Variants in ARHGAP24 observed in about 807,000 individuals in gnomAD.
The protein encoded by ARHGAP24 is Rho GTPase activating protein 24, also known as rho GTPase-activating protein 24.
A neutral mutation model predicts 76.4 loss-of-function variants in ARHGAP24; 50 were observed. The ratio of observed to expected loss-of-function variants is 0.65; its 90% CI spans 0.52 to 0.83. The LOEUF (loss-of-function observed/expected upper bound fraction) is 0.83. Ranked by LOEUF, ARHGAP24 falls within the 40% of genes least tolerant of loss-of-function variation. ARHGAP24 has a pLI of 0.00. For synonymous variants in ARHGAP24, 345 were observed against 323.3 expected, an observed-to-expected ratio of 1.07 and a Z score of -0.72; for missense variants, 930 against 914.2, an observed-to-expected ratio of 1.02 and a Z score of -0.22.
At chr4:85,848,094 C>T (rs1451004091) in intron 3 of ARHGAP24, among the ~76,000 whole-genome samples, 2 of 152,022 alleles carry the variant, frequency 1.3e-5, no homozygotes, top group Non-Finnish European at 2.9e-5. Context: ...TATTTCTGTA[C>T]CAAAATTCAG....
At chr4:85,852,959 G>A (rs968100620) in intron 3 of ARHGAP24, among the ~76,000 whole-genome samples, 1 of 152,184 alleles carries the variant, frequency 6.6e-6, no homozygotes, top group Non-Finnish European at 1.5e-5. Context: ...CAGTCTGTCC[G>A]TTCTCAGAGC....
intron 3 of ARHGAP24, among the ~76,000 whole-genome samples, chr4:85,836,413 G>T (rs1245925322): frequency 1.3e-5 from 2 of 152,198 alleles, no homozygotes; most frequent in South Asian, 4.1e-4. Context: ...ACTACAGAAG[G>T]TCTGTTCTCG....
At chr4:85,984,274 A>G (rs867768462) in intron 8 of ARHGAP24, among the ~76,000 whole-genome samples, 1 of 152,214 alleles carries the variant, frequency 6.6e-6, no homozygotes, top group Non-Finnish European at 1.5e-5. Context: ...TGGAGTTACT[A>G]TAACAAAACA....
chr4:85,578,709 A>G (rs1290715369), intron 2 of ARHGAP24, among the ~76,000 whole-genome samples: 3 of 151,640 alleles, frequency 2.0e-5, no homozygotes, highest in Non-Finnish European at 2.9e-5. Flanking sequence ...GTACCTGTCC[A>G]TATATAAAGC....
At chr4:85,971,196 G>C (rs985716119) in intron 5 of ARHGAP24, among the ~76,000 whole-genome samples, 1 of 152,058 alleles carries the variant, frequency 6.6e-6, no homozygotes, top group African/African-American at 2.4e-5. Flanking sequence ...AGCATGTCAC[G>C]CTAAGCTTCG....
chr4:85,704,568 C>A (rs1257923479), intron 2 of ARHGAP24, among the ~76,000 whole-genome samples: 1 of 152,144 alleles, frequency 6.6e-6, no homozygotes, highest in Non-Finnish European at 1.5e-5. Context: ...TTTCCATTTA[C>A]TGGATATAAG....
intron 3 of ARHGAP24, among the ~76,000 whole-genome samples, chr4:85,787,336 A>G (rs9790551): frequency 0.11 from 16,752 of 152,154 alleles, 1,968 homozygotes; most frequent in East Asian, 0.62. Flanking sequence ...AACTTTGTTT[A>G]TCTTAGATTC....
At chr4:85,639,484 C>T (rs967316938) in intron 2 of ARHGAP24, among the ~76,000 whole-genome samples, 19 of 151,942 alleles carry the variant, frequency 1.3e-4, no homozygotes, top group African/African-American at 4.1e-4. Context: ...GTCCAGTGTT[C>T]GGTAAGCCTA....
chr4:85,984,012 A>AGAT (rs1272967906), intron 8 of ARHGAP24, among the ~76,000 whole-genome samples: 1 of 152,230 alleles, frequency 6.6e-6, no homozygotes, highest in African/African-American at 2.4e-5. Flanking sequence ...GCGAATGCAA[A>AGAT]GATGCATAAG....
intron 3 of ARHGAP24, among the ~76,000 whole-genome samples, chr4:85,757,140 T>A (rs937836098): frequency 6.6e-6 from 1 of 151,922 alleles, no homozygotes; most frequent in African/African-American, 2.4e-5. Flanking sequence ...AAGTCTACTT[T>A]CATCCTGATT....
intron 3 of ARHGAP24, among the ~76,000 whole-genome samples, chr4:85,826,602 T>C (rs1455425701): frequency 6.6e-6 from 1 of 152,150 alleles, no homozygotes; most frequent in Non-Finnish European, 1.5e-5. Flanking sequence ...GTCCCAGTAC[T>C]CACTGGGGAA....
chr4:85,514,309 C>A (rs1030307515), intron 1 of ARHGAP24, among the ~76,000 whole-genome samples: 1 of 152,202 alleles, frequency 6.6e-6, no homozygotes, highest in Non-Finnish European at 1.5e-5. Flanking sequence ...CCTTCCCTAT[C>A]TGGCCTTTGC....
At chr4:85,492,607 A>G (rs1192486797) in intron 1 of ARHGAP24, among the ~76,000 whole-genome samples, 1 of 152,194 alleles carries the variant, frequency 6.6e-6, no homozygotes, top group Non-Finnish European at 1.5e-5. Context: ...GGCTGAAAAC[A>G]TTTCATGTTA....
chr4:85,631,341 C>T (rs1721153748), intron 2 of ARHGAP24, among the ~76,000 whole-genome samples: 1 of 152,054 alleles, frequency 6.6e-6, no homozygotes, highest in Non-Finnish European at 1.5e-5. Context: ...ATATTTATCT[C>T]ACTACCTTTC....
chr4:85,663,062 T>C (rs1480127172), intron 2 of ARHGAP24, among the ~76,000 whole-genome samples: 1 of 152,000 alleles, frequency 6.6e-6, no homozygotes, highest in Non-Finnish European at 1.5e-5. Context: ...AAGAAAGTCA[T>C]TGGTAGCTTG....
At chr4:85,576,051 C>G (rs568435658) in intron 2 of ARHGAP24, among the ~76,000 whole-genome samples, 2 of 152,310 alleles carry the variant, frequency 1.3e-5, no homozygotes, top group African/African-American at 4.8e-5. Context: ...AATGGATTTT[C>G]TTAACTTAGA....
intron 3 of ARHGAP24, among the ~76,000 whole-genome samples, chr4:85,731,131 G>T (rs1321678772): frequency 6.6e-6 from 1 of 151,158 alleles, no homozygotes; most frequent in Non-Finnish European, 1.5e-5. Flanking sequence ...AAGTGGTAAA[G>T]CCAGGATTCA....
intron 3 of ARHGAP24, among the ~76,000 whole-genome samples, chr4:85,877,891 AT>A (rs1560690840): frequency 1.3e-5 from 2 of 152,198 alleles, no homozygotes; most frequent in Non-Finnish European, 2.9e-5. Flanking sequence ...GGAATTGATA[AT>A]TACATTATTA....
intron 3 of ARHGAP24, among the ~76,000 whole-genome samples, chr4:85,862,037 C>T (rs114416353): frequency 1.8e-3 from 269 of 152,100 alleles, no homozygotes; most frequent in African/African-American, 6.3e-3. Context: ...ATTCATTATT[C>T]TACAATTAGG....
Sources: gnomAD v4.1 joint callset for allele counts (sites outside exome capture counted in the v4.1 genomes callset) on GRCh38, gnomAD v4.1.1 for gene constraint, MANE v1.5 for transcripts, NCBI Gene and HGNC (gene_info 2026-07-23, HGNC 2026-07-21) for gene names.